PIKFYVE: variants seen among roughly 807,000 people sequenced by gnomAD.
PIKFYVE encodes phosphoinositide kinase, FYVE-type zinc finger containing.
PIKFYVE carries 122 observed loss-of-function variants against 257.9 expected under a neutral mutation model. The ratio of observed to expected loss-of-function variants is 0.47; its 90% CI spans 0.41 to 0.55. The LOEUF is 0.55. Ranked by LOEUF, PIKFYVE falls within the 20% of genes least tolerant of loss-of-function variation. The probability of loss-of-function intolerance (pLI) is 0.00; values close to 1 mark genes in which losing one functional copy is unlikely to be tolerated. For synonymous variants in PIKFYVE, 892 were observed against 868.9 expected, an observed-to-expected ratio of 1.03 and a Z score of -0.47; for missense variants, 2,160 against 2,536.6, an observed-to-expected ratio of 0.85 and a Z score of 3.19.
intron 5 of PIKFYVE, among the ~76,000 whole-genome samples, chr2:208,284,278 C>A (rs1429768617): frequency 1.5e-5 from 2 of 136,866 alleles, no homozygotes; most frequent in Non-Finnish European, 3.1e-5. Context: ...TTTTTTTTTT[C>A]CCAGACAGTT....
At chr2:208,286,310 T>TGAG (rs1234563572) in intron 6 of PIKFYVE, among the ~76,000 whole-genome samples, 2 of 152,182 alleles carry the variant, frequency 1.3e-5, no homozygotes, top group African/African-American at 2.4e-5. Flanking sequence ...TAGCCTTCTG[T>TGAG]GAGAAGAAGA....
chr2:208,303,961 T>G (rs1694032453), intron 10 of PIKFYVE, among the ~76,000 whole-genome samples: 1 of 152,240 alleles, frequency 6.6e-6, no homozygotes, highest in Admixed American at 6.5e-5. Context: ...ACTACTTAAG[T>G]CTTCTAGTTA....
rs1200124395 is a variant in PIKFYVE, at chr2:208,324,301, C to T, written c.2331+19C>T. On this transcript the variant is annotated intron_variant, in intron 18 of 41. Transcript: ENST00000264380. ...AAAGTCAGTGAGTGTTTTTAATTTT[C>T]TATTGTATTTTAAAAAAATCACAGC... 6.2e-7 allele frequency: 1 copy of T among 1,610,766 alleles called. No homozygotes were observed. Among genetic ancestry groups the T allele is most frequent in the African/African-American group, 1.3e-5 (1 of 74,766 alleles).
intron 3 of PIKFYVE, 170 bp downstream of exon 3, chr2:208,273,903 A>T: frequency 7.3e-7 from 1 of 1,367,678 alleles, no homozygotes; most frequent in Non-Finnish European, 1.0e-6. Flanking sequence ...TTACCTCGGT[A>T]GTGAAAGAAT....
intron 38 of PIKFYVE, 128 bp downstream of exon 38, chr2:208,351,583 G>C (rs1398869703): frequency 3.4e-6 from 3 of 880,770 alleles, no homozygotes; most frequent in Non-Finnish European, 5.7e-6. Context: ...GTAAAGAAAA[G>C]AGGTTTATTT....
At chr2:208,268,760 C>T (rs552745909) in intron 1 of PIKFYVE, among the ~76,000 whole-genome samples, 1 of 151,816 alleles carries the variant, frequency 6.6e-6, no homozygotes, top group Non-Finnish European at 1.5e-5. Flanking sequence ...TTTCTCCTTC[C>T]TCTTTCCTTC....
intron 23 of PIKFYVE, among the ~76,000 whole-genome samples, chr2:208,332,161 G>GTC (rs1697618131): frequency 6.6e-6 from 1 of 152,074 alleles, no homozygotes; most frequent in Admixed American, 6.6e-5. Flanking sequence ...AAAATGGGCA[G>GTC]AGGACATGAC....
chr2:208,334,261 C>T (rs1697881801), intron 24 of PIKFYVE: 1 of 152,714 alleles, frequency 6.5e-6, no homozygotes, highest in Non-Finnish European at 1.5e-5. Context: ...TCCCTTTAGC[C>T]TCTTCTCAAC....
intron 13 of PIKFYVE, among the ~76,000 whole-genome samples, chr2:208,313,234 T>G (rs1001400606): frequency 3.9e-5 from 6 of 152,336 alleles, no homozygotes; most frequent in African/African-American, 1.4e-4. Context: ...AGTTATTTAG[T>G]GAACATATTT....
rs199820870 is a variant in PIKFYVE at position 208,285,678 on chromosome 2, A to G, written c.614-48A>G. On this transcript the variant is annotated intron_variant, in intron 5 of 41. Coordinates refer to ENST00000264380, the MANE Select transcript of PIKFYVE (RefSeq NM_015040.4). ...TTACGTTAAGCAATATGTTACTGCT[A>G]TCTTTTCCTTCAATTTCCTTGTTTT... 1.7e-5 allele frequency: 25 copies of G among 1,476,222 alleles called. No individual in the cohort carries two copies. In the East Asian group the frequency reaches 2.0e-4, roughly 12 times the overall value. 91.4% of individuals were successfully genotyped at this position (1,476,222 alleles called of 1,614,324 possible). A position where few individuals can be genotyped will look rare whatever the true frequency, so the allele number is the denominator to read the frequency against.
Position 208,356,822 on chromosome 2 carries a change from G to C in PIKFYVE, c.*1517G>C, listed in dbSNP as rs557074717. 1 of 152,728 alleles carries C rather than the reference G, an allele frequency of 6.5e-6. No homozygotes were observed. The highest frequency in any genetic ancestry group is 6.5e-5 in the Admixed American group (1 of 15,310). 9.5% of individuals were successfully genotyped at this position (152,728 alleles called of 1,614,324 possible). A position where few individuals can be genotyped will look rare whatever the true frequency, so the allele number is the denominator to read the frequency against. ...TTCTTTTTGTAACAAGGATAATTTA[G>C]GGATTTATAAAGTTGTAAGGATTTC... On this transcript the variant is annotated 3_prime_UTR_variant, in exon 42 of 42. Transcript: ENST00000264380.
intron 6 of PIKFYVE, among the ~76,000 whole-genome samples, chr2:208,287,348 A>C (rs951652745): frequency 6.7e-6 from 1 of 148,476 alleles, no homozygotes; most frequent in Non-Finnish European, 1.5e-5. Context: ...ATCTCGGCTC[A>C]CTGCAACCTT....
chr2:208,348,763 A>G (rs897612148), intron 35 of PIKFYVE, among the ~76,000 whole-genome samples: 4 of 152,116 alleles, frequency 2.6e-5, no homozygotes, highest in African/African-American at 9.6e-5. Context: ...GGTTGCTTTC[A>G]CTTTATATTG....
chr2:208,296,292 A>G (rs1442659586), intron 7 of PIKFYVE, among the ~76,000 whole-genome samples: 2 of 152,208 alleles, frequency 1.3e-5, no homozygotes, highest in Non-Finnish European at 2.9e-5. Flanking sequence ...GGTGTGAGCC[A>G]CCACGCCTGG....
At chr2:208,346,027 C>CTT in intron 33 of PIKFYVE, 23 bp from the exon 34 acceptor site, 1 of 1,551,746 alleles carries the variant, frequency 6.4e-7, no homozygotes, top group Non-Finnish European at 8.9e-7. Context: ...CTAAATTTTT[C>CTT]TTTTTTTTTC....
At chr2:208,296,002 G>A (rs1692929984) in intron 7 of PIKFYVE, among the ~76,000 whole-genome samples, 1 of 151,986 alleles carries the variant, frequency 6.6e-6, no homozygotes, top group African/African-American at 2.4e-5. Flanking sequence ...AGTGTGGAAG[G>A]ATGACATGAC....
Position 208,357,826 on chromosome 2 carries a change from TC to T in PIKFYVE, c.*2523del, listed in dbSNP as rs1366135590. On this transcript the variant is annotated 3_prime_UTR_variant, in exon 42 of 42. Coordinates refer to ENST00000264380, the MANE Select transcript of PIKFYVE (RefSeq NM_015040.4). ...GGAATGAGGAAGAAATCTTAATACT[TC>T]CTTCCTTAACATACAACATGAGTCC... 2.0e-5 allele frequency: 3 copies of T among 152,302 alleles called. No homozygotes were observed. In the East Asian group the frequency reaches 5.8e-4, roughly 29 times the overall value. The allele number at this position is 152,302 out of a possible 1,614,324, so 9.4% of individuals were successfully genotyped here.
At chr2:208,340,265 G>A in intron 31 of PIKFYVE, 134 bp downstream of exon 31, 2 of 1,163,172 alleles carry the variant, frequency 1.7e-6, no homozygotes, top group East Asian at 2.5e-5. Context: ...TAAAAGAGAT[G>A]TCTTTTGATA....
intron 15 of PIKFYVE, 149 bp downstream of exon 15, chr2:208,315,522 C>T (rs1331019676): frequency 2.6e-5 from 14 of 546,920 alleles, no homozygotes; most frequent in African/African-American, 6.0e-5. Flanking sequence ...TTGTTAGCAG[C>T]GCACTTAGGA....
Sources: allele counts gnomAD v4.1 joint callset (sites outside exome capture counted in the v4.1 genomes callset), GRCh38; gene constraint gnomAD v4.1.1; transcripts MANE v1.5; gene names NCBI Gene and HGNC (gene_info 2026-07-23, HGNC 2026-07-21).